The following SLC39A11 variants were observed in gnomAD, a reference collection of about 807,000 sequenced individuals.
SLC39A11 encodes solute carrier family 39 member 11.
Under a neutral mutation model 36.1 loss-of-function variants are expected in SLC39A11, and 33 were observed. The observed-to-expected ratio is 0.91, with a 90% CI of 0.69 to 1.22. SLC39A11 has a LOEUF of 1.22. SLC39A11 is among the 50% of genes most tolerant of loss of function. The probability of loss-of-function intolerance (pLI) is 0.00; values close to 1 mark genes in which losing one functional copy is unlikely to be tolerated. For missense variants in SLC39A11, 432 were observed against 430.3 expected (o/e 1.00, Z -0.03); for synonymous variants, 166 against 170.3 (o/e 0.97, Z 0.20).
intron 3 of SLC39A11, among the ~76,000 whole-genome samples, chr17:73,057,717 C>T (rs1274934376): frequency 6.6e-6 from 1 of 152,186 alleles, no homozygotes; most frequent in Non-Finnish European, 1.5e-5. Flanking sequence ...GCGGGCAGAT[C>T]ACTTGAGGTC....
chr17:72,905,256 G>C lies in SLC39A11; in HGVS notation c.430+42496C>G, dbSNP rs556662329. ...ACCAGTATGAAAATAGCAGTGCTTT[G>C]TGGCTGGATGGATTCTGTTTCTGTT... is the stretch of plus-strand genomic sequence containing the variant. On this transcript the variant is annotated intron_variant, in intron 5 of 9. Coordinates refer to ENST00000255559, the MANE Select transcript of SLC39A11 (RefSeq NM_139177.4). Among the ~76,000 whole-genome samples, 7 of 145,460 alleles carry C rather than the reference G, an allele frequency of 4.8e-5. No individual in the cohort carries two copies. The Admixed American group carries it at 4.9e-4, about 10-fold the overall frequency.
chr17:72,709,870 A>G (rs1170443672), intron 7 of SLC39A11, among the ~76,000 whole-genome samples: 1 of 152,208 alleles, frequency 6.6e-6, no homozygotes, highest in Admixed American at 6.5e-5. Context: ...AGGATATGTC[A>G]CATTGCAATT....
At chr17:72,897,052 CAAAAA>C (rs10656675) in intron 5 of SLC39A11, among the ~76,000 whole-genome samples, 4 of 64,178 alleles carry the variant, frequency 6.2e-5, no homozygotes, top group African/African-American at 1.6e-4. Context: ...GACTCTGTCT[CAAAAA>C]AAAAAAAAAA....
chr17:73,090,644 T>C (rs1260858812), intron 1 of SLC39A11, among the ~76,000 whole-genome samples: 1 of 152,212 alleles, frequency 6.6e-6, no homozygotes, highest in Non-Finnish European at 1.5e-5. Flanking sequence ...CTTTCCTGTA[T>C]TTGAATGTGC....
chr17:72,996,601 T>C (rs1461032189), intron 4 of SLC39A11, among the ~76,000 whole-genome samples: 1 of 152,116 alleles, frequency 6.6e-6, no homozygotes, highest in Non-Finnish European at 1.5e-5. Flanking sequence ...TGCATGGCCA[T>C]CTCCTTTGTG....
intron 6 of SLC39A11, among the ~76,000 whole-genome samples, chr17:72,781,697 G>C (rs2076324948): frequency 6.6e-6 from 1 of 152,128 alleles, no homozygotes; most frequent in Admixed American, 6.5e-5. Flanking sequence ...GGGATTACAG[G>C]CGTGAGCCAC....
chr17:72,664,376 G>C (rs112019105), intron 7 of SLC39A11, among the ~76,000 whole-genome samples: 1 of 152,200 alleles, frequency 6.6e-6, no homozygotes, highest in Non-Finnish European at 1.5e-5. Flanking sequence ...AGAAGGCAGG[G>C]AGGGAAAGTG....
chr17:72,863,296 G>C (rs1037838652), intron 5 of SLC39A11, among the ~76,000 whole-genome samples: 2 of 151,960 alleles, frequency 1.3e-5, no homozygotes, highest in African/African-American at 4.8e-5. Context: ...TCTCTTTTAG[G>C]ATGACAGATT....
intron 6 of SLC39A11, among the ~76,000 whole-genome samples, chr17:72,830,451 A>G (rs1272155479): frequency 1.3e-5 from 2 of 152,198 alleles, no homozygotes; most frequent in African/African-American, 2.4e-5. Flanking sequence ...TCAACTTGGT[A>G]AAAACACACA....
At chr17:72,735,685 CT>C (rs1351593386) in intron 7 of SLC39A11, among the ~76,000 whole-genome samples, 4 of 152,192 alleles carry the variant, frequency 2.6e-5, no homozygotes, top group Non-Finnish European at 2.9e-5. Flanking sequence ...TTTTGATGAT[CT>C]TTTAGTCCCC....
At chr17:72,752,338 G>C (rs1030224859) in intron 6 of SLC39A11, among the ~76,000 whole-genome samples, 1 of 152,058 alleles carries the variant, frequency 6.6e-6, no homozygotes, top group African/African-American at 2.4e-5. Flanking sequence ...TCCGCCTCCC[G>C]GGTTCCAGCA....
intron 7 of SLC39A11, among the ~76,000 whole-genome samples, chr17:72,671,297 T>TA (rs2071013113): frequency 6.6e-6 from 1 of 152,210 alleles, no homozygotes; most frequent in African/African-American, 2.4e-5. Context: ...AGCTTCCCCT[T>TA]ACCCTCTCCT....
At chr17:73,068,251 G>T in intron 3 of SLC39A11, 1 of 767,974 alleles carries the variant, frequency 1.3e-6, no homozygotes, top group Non-Finnish European at 2.2e-6. Context: ...TAGCACTTGA[G>T]GGAGGAAGCT....
intron 4 of SLC39A11, among the ~76,000 whole-genome samples, chr17:72,989,417 TATAAC>T (rs1489722469): frequency 2.6e-5 from 4 of 152,356 alleles, no homozygotes; most frequent in African/African-American, 7.2e-5. Context: ...TATCATCCCT[TATAAC>T]ATAACAGCGA....
chr17:73,037,911 T>C (rs753206387), intron 3 of SLC39A11, among the ~76,000 whole-genome samples: 13 of 152,232 alleles, frequency 8.5e-5, no homozygotes, highest in Non-Finnish European at 1.6e-4. Flanking sequence ...AGCTCAAGGA[T>C]GAGTATTTCA....
At chr17:73,047,437 C>T (rs1420399878) in intron 3 of SLC39A11, among the ~76,000 whole-genome samples, 1 of 152,066 alleles carries the variant, frequency 6.6e-6, no homozygotes, top group Non-Finnish European at 1.5e-5. Flanking sequence ...CTATTTATTC[C>T]TATGTAAAAT....
At chr17:72,839,074 G>T (rs1170439654) in intron 6 of SLC39A11, 1 of 152,238 alleles carries the variant, frequency 6.6e-6, no homozygotes, top group East Asian at 1.9e-4. Flanking sequence ...TTCTTTAGAG[G>T]CTCAAACACA....
At position 72,882,512 on chromosome 17, in the gene SLC39A11, ATTG is replaced by A. The variant is rs113472593; in HGVS notation, c.431-32711_431-32709del. Among the ~76,000 whole-genome samples the A allele has an allele frequency of 1.6e-4, 25 of 152,328 alleles. 1 individual carries two copies. Among genetic ancestry groups the A allele is most frequent in the African/African-American group, 5.8e-4 (24 of 41,574 alleles). ...CTGAACTCAGCAACTATCACAGAAC[ATTG>A]TTAACTTCCTGGCTCTCTGCAAATT... is the stretch of plus-strand genomic sequence containing the variant. On this transcript the variant is annotated intron_variant, in intron 5 of 9. Transcript: ENST00000255559.
intron 3 of SLC39A11, among the ~76,000 whole-genome samples, chr17:73,039,692 T>C (rs750727775): frequency 6.6e-6 from 1 of 152,200 alleles, no homozygotes; most frequent in Non-Finnish European, 1.5e-5. Flanking sequence ...AATTGAGATT[T>C]TCATGGGTGT....
Sources: gnomAD v4.1 joint callset for allele counts (sites outside exome capture counted in the v4.1 genomes callset) on GRCh38, gnomAD v4.1.1 for gene constraint, MANE v1.5 for transcripts, NCBI Gene and HGNC (gene_info 2026-07-23, HGNC 2026-07-21) for gene names.